Variants in MYCBPAP observed in about 807,000 individuals in gnomAD.
The protein encoded by MYCBPAP is MYCBP-associated protein.
MYCBPAP carries 60 observed loss-of-function variants against 106.1 expected under a neutral mutation model. The ratio of observed to expected loss-of-function variants is 0.57; its 90% CI spans 0.46 to 0.70. The LOEUF (loss-of-function observed/expected upper bound fraction) is 0.70, where lower values mean the gene tolerates loss of function less well. Ranked by LOEUF, MYCBPAP falls within the 30% of genes least tolerant of loss-of-function variation. The probability of loss-of-function intolerance (pLI) is 0.00; values close to 1 mark genes in which losing one functional copy is unlikely to be tolerated. For synonymous variants in MYCBPAP, 407 were observed against 440.6 expected (o/e 0.92, Z 0.95); for missense variants, 1,064 against 1,169.3 (o/e 0.91, Z 1.31).
chr17:50,527,245 C>A, intron 14 of MYCBPAP, 42 bp from the exon 15 acceptor site: 1 of 1,611,574 alleles, frequency 6.2e-7, no homozygotes. Context: ...GAGGACACAG[C>A]CTTGGTGTCC....
chr17:50,528,589 C>CTAT, intron 16 of MYCBPAP, 106 bp from the exon 17 acceptor site: 6 of 1,445,712 alleles, frequency 4.2e-6, no homozygotes, highest in Non-Finnish European at 5.6e-6. Flanking sequence ...GGGCTCAAGG[C>CTAT]TATTGCCCTT....
At position 50,528,686 on chromosome 17, in the gene MYCBPAP, C is replaced by T. The variant is rs753571229; in HGVS notation, c.2408-9C>T. ...GCCTGCCATATTTTCTTCCACCCAC[C>T]TCCCTTAGATCAAAAATCACCTCCT... is the stretch of plus-strand genomic sequence containing the variant. On this transcript the variant is annotated splice_polypyrimidine_tract_variant and intron_variant, in intron 16 of 18. Coordinates refer to ENST00000323776, the MANE Select transcript of MYCBPAP (RefSeq NM_032133.6). 1.6e-5 allele frequency: 26 copies of T among 1,612,958 alleles called. No individual in the cohort carries two copies. Among genetic ancestry groups the T allele is most frequent in the Non-Finnish European group, 2.1e-5 (25 of 1,179,530 alleles).
rs752317671 is a variant in MYCBPAP, at chr17:50,529,123, CTCTCT to C, written c.2664_2668del (p.Ser889ArgfsTer18). On this transcript the variant is annotated frameshift_variant, in exon 18 of 19. Coordinates refer to ENST00000323776, the MANE Select transcript of MYCBPAP (RefSeq NM_032133.6). LOFTEE classifies it high-confidence loss of function. ...GGAAGACCCTACCCCTGACATCATC[CTCTCT>C]TCTCAAGAACCCATAGACCCCCTGG... The C allele has an allele frequency of 5.6e-6, 9 of 1,613,896 alleles. No homozygotes were observed. The highest frequency in any genetic ancestry group is 1.3e-5 in the African/African-American group (1 of 74,924).
intron 12 of MYCBPAP, among the ~76,000 whole-genome samples, chr17:50,524,124 C>G (rs2034373151): frequency 6.6e-6 from 1 of 152,208 alleles, no homozygotes; most frequent in African/African-American, 2.4e-5. Flanking sequence ...TGGTACTACA[C>G]AGTGGAGTTG....
intron 18 of MYCBPAP, among the ~76,000 whole-genome samples, chr17:50,530,908 A>G (rs999127115): frequency 1.4e-5 from 2 of 147,286 alleles, no homozygotes; most frequent in African/African-American, 2.5e-5. Flanking sequence ...TTTGAAAAGT[A>G]AAACTGCAAA....
chr17:50,521,267 C>T lies in MYCBPAP; in HGVS notation c.1032+42C>T, dbSNP rs913627857. The stretch of plus-strand genomic sequence containing the variant: ...TGCCCCAGTCAGAAGCCCCTTGGGG[C>T]GATGCCTGTCTTCAGTCAGCTCATC... On this transcript the variant is annotated intron_variant, in intron 8 of 18. Transcript: ENST00000323776. 16 of 1,594,242 alleles carry T rather than the reference C, an allele frequency of 1.0e-5. No homozygotes were observed. The South Asian group carries it at 1.2e-4, about 12-fold the overall frequency.
chr17:50,518,539 A>C lies in MYCBPAP; in HGVS notation c.469-2A>C. 15 of 1,563,930 alleles carry C rather than the reference A, an allele frequency of 9.6e-6. No homozygotes were observed. The highest frequency in any genetic ancestry group is 2.0e-5 in the Admixed American group (1 of 50,418). On this transcript the variant is annotated splice_acceptor_variant, in intron 4 of 18. Transcript: ENST00000323776. LOFTEE classifies it high-confidence loss of function. ...TCCACATACCTATGTTGTACTTTTC[A>C]GCTGGCTGAGCGGATACCTACCTCA...
Position 50,522,007 on chromosome 17 carries a change from C to G in MYCBPAP, c.1183C>G (p.Pro395Ala). 6.2e-7 allele frequency: 1 copy of G among 1,613,752 alleles called. No individual in the cohort carries two copies. The highest frequency in any genetic ancestry group is 1.3e-5 in the African/African-American group (1 of 75,040). ...TLASSSDVSM[P>A]ILGPSLLFCG... ...GGCCAGTTCCTCTGATGTCTCCATG[C>G]CTATTCTCGGCCCTTCTCTGCTGTT... Residue 395 changes from proline (P) to alanine (A), a missense_variant, in exon 10 of 19, where the codon CCT becomes GCT. Pro to Ala is a conservative substitution (Grantham distance 27, BLOSUM62 -1). Transcript: ENST00000323776.
Position 50,516,596 on chromosome 17 carries a change from C to A in MYCBPAP, c.103C>A (p.Gln35Lys), listed in dbSNP as rs1376424915. Residue 35 changes from glutamine (Q) to lysine (K), a missense_variant, in exon 2 of 19, where the codon CAA becomes AAA. Gln to Lys is a moderately conservative substitution (Grantham distance 53, BLOSUM62 1). Coordinates refer to ENST00000323776, the MANE Select transcript of MYCBPAP (RefSeq NM_032133.6). ...KEKKRAKGPE[Q>K]PTPTIQEEPE... is the part of the protein sequence containing the mutation. ...AAAGAAGCGGGCAAAGGGACCTGAA[C>A]AACCCACACCCACAATTCAGGAAGA... The A allele has an allele frequency of 6.2e-7, 1 of 1,614,176 alleles. No individual in the cohort carries two copies.
chr17:50,508,700 G>T lies in MYCBPAP; in HGVS notation c.26G>T (p.Arg9Leu), dbSNP rs1204754373. 1 of 1,611,574 alleles carries T rather than the reference G, an allele frequency of 6.2e-7. No homozygotes were observed. The highest frequency in any genetic ancestry group is 8.5e-7 in the Non-Finnish European group (1 of 1,178,778). MKSLKKDS[R>L]LRITPTRLLE... ...ATGAAGTCTCTAAAGAAGGATTCCC[G>T]CCTCAGAATAACTCCGACCAGATTA... Residue 9 changes from arginine to leucine, a missense_variant, in exon 1 of 19, where the codon CGC becomes CTC. Transcript: ENST00000323776.
intron 10 of MYCBPAP, chr17:50,522,693 T>TAA (rs1471269301): frequency 1.0e-4 from 2 of 19,390 alleles, no homozygotes; most frequent in African/African-American, 2.7e-4. Context: ...AAACTCTGTC[T>TAA]CAAAAAAAAA....
At chr17:50,527,462 A>C (rs988811020) in intron 15 of MYCBPAP, 54 bp downstream of exon 15, 2 of 1,606,158 alleles carry the variant, frequency 1.2e-6, no homozygotes, top group Admixed American at 1.7e-5. Flanking sequence ...TGGCATCTGC[A>C]GGGGTCCTGG....
chr17:50,530,590 G>A (rs2034604957), intron 18 of MYCBPAP, among the ~76,000 whole-genome samples: 2 of 151,546 alleles, frequency 1.3e-5, no homozygotes, highest in Admixed American at 6.6e-5. Context: ...GAGCCCAGGA[G>A]TTCGACATCA....
chr17:50,517,047 G>A (rs1037756785), intron 2 of MYCBPAP, among the ~76,000 whole-genome samples: 1 of 152,110 alleles, frequency 6.6e-6, no homozygotes, highest in African/African-American at 2.4e-5. Context: ...GCTTTACCTG[G>A]GAGAGTCAGC....
rs760063876 is a variant in MYCBPAP, at chr17:50,522,898, G to A, written c.1258-41G>A. 3.8e-6 allele frequency: 6 copies of A among 1,587,646 alleles called. No homozygotes were observed. In the African/African-American group the frequency reaches 8.1e-5, roughly 21 times the overall value. ...CAGATGAGTTGTTCACTCTAGGCCAGGGTTTGCAGCAAAGACATTTCTTGT... is the reference window on the plus strand; with the variant it reads ...CAGATGAGTTGTTCACTCTAGGCCAAGGTTTGCAGCAAAGACATTTCTTGT... On this transcript the variant is annotated intron_variant, in intron 10 of 18. Coordinates refer to ENST00000323776, the MANE Select transcript of MYCBPAP (RefSeq NM_032133.6).
chr17:50,528,990 G>T, intron 17 of MYCBPAP, 28 bp from the exon 18 acceptor site: 1 of 1,609,314 alleles, frequency 6.2e-7, no homozygotes, highest in Non-Finnish European at 8.5e-7. Flanking sequence ...AGCTCCTGAA[G>T]GCTATGTGTG....
chr17:50,521,026 A>G, intron 7 of MYCBPAP, 84 bp from the exon 8 acceptor site: 1 of 1,039,590 alleles, frequency 9.6e-7, no homozygotes, highest in South Asian at 1.4e-5. Flanking sequence ...GTGTTGGGAT[A>G]GGCACTCTCA....
intron 7 of MYCBPAP, among the ~76,000 whole-genome samples, chr17:50,520,835 C>G (rs2034230347): frequency 6.6e-6 from 1 of 152,182 alleles, no homozygotes; most frequent in Non-Finnish European, 1.5e-5. Flanking sequence ...GGTTCTGGCT[C>G]ATTGTTAAGC....
chr17:50,512,528 C>A (rs1045253844), intron 1 of MYCBPAP, among the ~76,000 whole-genome samples: 8 of 152,182 alleles, frequency 5.3e-5, no homozygotes, highest in Non-Finnish European at 1.2e-4. Flanking sequence ...TGCAGCTGTT[C>A]CTCTGAACAC....
Sources: allele counts gnomAD v4.1 joint callset (sites outside exome capture counted in the v4.1 genomes callset), GRCh38; gene constraint gnomAD v4.1.1; transcripts MANE v1.5; gene names NCBI Gene and HGNC (gene_info 2026-07-23, HGNC 2026-07-21).